Variants in THAP2 observed in about 807,000 individuals in gnomAD.
THAP2 encodes THAP domain containing 2.
Under a neutral mutation model 18.8 loss-of-function variants are expected in THAP2, and 16 were observed. The observed-to-expected ratio is 0.85, with a 90% CI of 0.58 to 1.29. The LOEUF is 1.29. THAP2 is among the 50% of genes most tolerant of loss of function. The pLI is 0.00. For missense variants in THAP2, 251 were observed against 265.3 expected (o/e 0.95, Z 0.38); for synonymous variants, 80 against 89.2 (o/e 0.90, Z 0.58).
chr12:71,668,870 TATTAA>T (rs1342737561), intron 1 of THAP2, among the ~76,000 whole-genome samples: 2 of 152,230 alleles, frequency 1.3e-5, no homozygotes, highest in Non-Finnish European at 2.9e-5. Flanking sequence ...GAAGATTTAT[TATTAA>T]ATTAAGGTGA....
chr12:71,668,598 TCCCTAC>T (rs1364506640), intron 1 of THAP2, among the ~76,000 whole-genome samples: 2 of 152,184 alleles, frequency 1.3e-5, no homozygotes. Flanking sequence ...GCTATTTGAT[TCCCTAC>T]CTTCCCCATT....
At chr12:71,666,540 AAAAG>A (rs1304996755) in intron 1 of THAP2, among the ~76,000 whole-genome samples, 2 of 152,238 alleles carry the variant, frequency 1.3e-5, no homozygotes, top group East Asian at 1.9e-4. Flanking sequence ...AAAACAAAAA[AAAAG>A]AGATGGATGG....
At chr12:71,676,012 G>GA (rs543642727) in intron 2 of THAP2, among the ~76,000 whole-genome samples, 25 of 151,556 alleles carry the variant, frequency 1.6e-4, no homozygotes, top group Non-Finnish European at 1.6e-4. Context: ...ACAGAGAAAG[G>GA]AAAAAAAAGA....
intron 1 of THAP2, among the ~76,000 whole-genome samples, chr12:71,666,132 G>C (rs1410108534): frequency 6.6e-6 from 1 of 152,092 alleles, no homozygotes; most frequent in Non-Finnish European, 1.5e-5. Context: ...GGAGAGGAGG[G>C]GACAGATTGG....
chr12:71,667,556 G>A (rs949841982), intron 1 of THAP2: 1 of 152,278 alleles, frequency 6.6e-6, no homozygotes, highest in Middle Eastern at 3.4e-3. Context: ...AGTAAATGAA[G>A]ATCTACCCAT....
chr12:71,666,529 C>CA (rs1881345959), intron 1 of THAP2, among the ~76,000 whole-genome samples: 3 of 150,584 alleles, frequency 2.0e-5, no homozygotes, highest in Admixed American at 2.0e-4. Context: ...AAACAAAAAA[C>CA]AAAACAAAAA....
chr12:71,674,303 G>A lies in THAP2; in HGVS notation c.172G>A (p.Glu58Lys). 6.2e-7 allele frequency: 1 copy of A among 1,613,240 alleles called. No homozygotes were observed. Among genetic ancestry groups the A allele is most frequent in the South Asian group, 1.1e-5 (1 of 91,026 alleles). Residue 58 changes from glutamate (E) to lysine (K), a missense_variant, in exon 2 of 3, where the codon GAA becomes AAA. Physicochemically the swap from Glu to Lys is moderately conservative, Grantham distance 56. Coordinates refer to ENST00000308086, the MANE Select transcript of THAP2 (RefSeq NM_031435.4). The part of the protein sequence containing the change: ...KHTFLCSKHF[E>K]ASCFDLTGQT... ...CACTTTTCTTTGTTCAAAGCACTTT[G>A]AAGCCTCCTGTTTTGACCTAACAGG... is the stretch of plus-strand genomic sequence containing the variant.
chr12:71,674,452 T>C (rs993310170), intron 2 of THAP2, 54 bp downstream of exon 2: 2 of 1,498,228 alleles, frequency 1.3e-6, no homozygotes, highest in Admixed American at 4.1e-5. Context: ...TCATTCCTTT[T>C]TGTTTATGCA....
intron 1 of THAP2, among the ~76,000 whole-genome samples, chr12:71,673,838 A>G (rs1306525426): frequency 5.3e-5 from 8 of 152,138 alleles, no homozygotes; most frequent in Admixed American, 3.9e-4. Context: ...TCTTGACTAC[A>G]TATATCAGCA....
At position 71,680,007 on chromosome 12, in the gene THAP2, T is replaced by C. The variant is rs902545688; in HGVS notation, c.*2899T>C. ...CTACATCGAAATCCAGCACTGGAGTTCATTTGAAATTTGATATTTTGTGTA... is the reference window on the plus strand; with the variant it reads ...CTACATCGAAATCCAGCACTGGAGTCCATTTGAAATTTGATATTTTGTGTA... On this transcript the variant is annotated 3_prime_UTR_variant, in exon 3 of 3. Transcript: ENST00000308086. The C allele has an allele frequency of 1.3e-5, 2 of 152,218 alleles. No individual in the cohort carries two copies. The highest frequency in any genetic ancestry group is 2.4e-5 in the African/African-American group (1 of 41,460). The allele number at this position is 152,218 out of a possible 1,614,324, so 9.4% of individuals were successfully genotyped here. A position where few individuals can be genotyped will look rare whatever the true frequency, so the allele number is the denominator to read the frequency against.
At chr12:71,666,183 T>G (rs2137575492) in intron 1 of THAP2, among the ~76,000 whole-genome samples, 1 of 152,126 alleles carries the variant, frequency 6.6e-6, no homozygotes, top group South Asian at 2.1e-4. Context: ...AGTAATTTGA[T>G]TGGATAGATG....
At chr12:71,671,641 T>A (rs1018961592) in intron 1 of THAP2, among the ~76,000 whole-genome samples, 3 of 152,232 alleles carry the variant, frequency 2.0e-5, no homozygotes, top group African/African-American at 4.8e-5. Context: ...TCACCACTTT[T>A]TCTGTAACAA....
chr12:71,668,288 A>G (rs953901188), intron 1 of THAP2, among the ~76,000 whole-genome samples: 2 of 152,110 alleles, frequency 1.3e-5, no homozygotes, highest in African/African-American at 4.8e-5. Flanking sequence ...GTTCCACACA[A>G]CCCTGTACTT....
At position 71,676,777 on chromosome 12, in the gene THAP2, A is replaced by G. The variant is rs761290767; in HGVS notation, c.356A>G (p.Gln119Arg). 4.3e-6 allele frequency: 7 copies of G among 1,612,984 alleles called. No homozygotes were observed. The part of the protein sequence containing the change: ...SNLKSNISSQ[Q>R]VLLEHSYAFR... ...TTAAAATCAAACATTAGTAGTCAGCAAGTACTACTTGAACACAGCTATGCC... is the reference window on the plus strand; with the variant it reads ...TTAAAATCAAACATTAGTAGTCAGCGAGTACTACTTGAACACAGCTATGCC... Residue 119 changes from glutamine (Q) to arginine (R), a missense_variant, in exon 3 of 3, where the codon CAA becomes CGA. Gln to Arg is a conservative substitution (Grantham distance 43). Coordinates refer to ENST00000308086, the MANE Select transcript of THAP2 (RefSeq NM_031435.4).
rs185564833 is a variant in THAP2 at position 71,666,619 on chromosome 12, A to C, written c.71+2039A>C. On this transcript the variant is annotated intron_variant, in intron 1 of 2. Transcript: ENST00000308086. Reference sequence around the variant, plus strand: ...TAACATTTTCATGTGTAACCTCAGAAATTTAGGTCTTAAAATAGTATTCAT... The same window carrying C: ...TAACATTTTCATGTGTAACCTCAGACATTTAGGTCTTAAAATAGTATTCAT... 7.2e-5 allele frequency among the ~76,000 whole-genome samples: 11 copies of C among 152,342 alleles called. No individual in the cohort carries two copies. The East Asian group carries it at 2.1e-3, about 29-fold the overall frequency.
chr12:71,669,128 T>TA (rs1375535863), intron 1 of THAP2, among the ~76,000 whole-genome samples: 3 of 152,166 alleles, frequency 2.0e-5, no homozygotes, highest in African/African-American at 7.2e-5. Context: ...GCTTAACAGA[T>TA]ACTATGCTAG....
chr12:71,664,921 A>G (rs1881305128), intron 1 of THAP2: 2 of 702,284 alleles, frequency 2.8e-6, no homozygotes, highest in Admixed American at 4.0e-5. Context: ...CTTCCCAATC[A>G]GCAATCACCG....
At chr12:71,673,306 G>A (rs1202534501) in intron 1 of THAP2, among the ~76,000 whole-genome samples, 1 of 151,358 alleles carries the variant, frequency 6.6e-6, no homozygotes, top group African/African-American at 2.4e-5. Context: ...GATGTTTCCA[G>A]GCTACATGGT....
rs889657493 is a variant in THAP2, at chr12:71,676,559, T to C, written c.268-130T>C. The C allele has an allele frequency of 1.5e-4, 132 of 890,240 alleles. No homozygotes were observed. The African/African-American group carries it at 2.0e-3, about 13-fold the overall frequency. The allele number at this position is 890,240 out of a possible 1,614,324, so 55.1% of individuals were successfully genotyped here. ...GGATTACATGAGATGGCTGCTGCTG[T>C]TTCCTATTAAAGTTTTAAAATTGAC... is the stretch of plus-strand genomic sequence containing the variant. On this transcript the variant is annotated intron_variant, in intron 2 of 2. Coordinates refer to ENST00000308086, the MANE Select transcript of THAP2 (RefSeq NM_031435.4).
Sources: allele counts gnomAD v4.1 joint callset (sites outside exome capture counted in the v4.1 genomes callset), GRCh38; gene constraint gnomAD v4.1.1; transcripts MANE v1.5; gene names NCBI Gene and HGNC (gene_info 2026-07-23, HGNC 2026-07-21).